ZNF536: variants seen among roughly 807,000 people sequenced by gnomAD.
ZNF536 encodes zinc finger protein 536.
Under a neutral mutation model 84.5 loss-of-function variants are expected in ZNF536, and 13 were observed. That is an observed-to-expected ratio of 0.15 (90% CI 0.10 to 0.24). The LOEUF is 0.24. ZNF536 is among the 10% of genes least tolerant of loss of function. ZNF536 has a pLI of 1.00. For synonymous variants in ZNF536, 811 were observed against 742.5 expected (o/e 1.09, Z -1.50); for missense variants, 1,536 against 1,747.5 (o/e 0.88, Z 2.16).
chr19:30,377,603 A>G (rs748946648), intron 1 of ZNF536, among the ~76,000 whole-genome samples: 17 of 152,220 alleles, frequency 1.1e-4, no homozygotes, highest in Non-Finnish European at 2.2e-4. Flanking sequence ...TATAGGATAA[A>G]AAAGATCATG....
intron 1 of ZNF536, among the ~76,000 whole-genome samples, chr19:30,265,864 G>T (rs1378814652): frequency 6.6e-6 from 1 of 151,532 alleles, no homozygotes; most frequent in East Asian, 1.9e-4. Flanking sequence ...TAAGAAGAAG[G>T]TCCCAGGTTT....
rs544662578 is a variant in ZNF536, at chr19:30,446,227, C to G, written c.2170+495C>G. On this transcript the variant is annotated intron_variant, in intron 2 of 4. Coordinates refer to ENST00000355537, the MANE Select transcript of ZNF536 (RefSeq NM_014717.3). ...TCACACCACTGCACTCCAGCCTGAG[C>G]GACAGAGTGAGACACTGTCTCAAAA... is the stretch of plus-strand genomic sequence containing the variant. 3.7e-5 allele frequency among the ~76,000 whole-genome samples: 4 copies of G among 107,512 alleles called. No individual in the cohort carries two copies. The South Asian group carries it at 1.3e-3, about 34-fold the overall frequency. The allele number at this position is 107,512 out of a possible 152,430, so 70.5% of individuals were successfully genotyped here.
intron 2 of ZNF536, among the ~76,000 whole-genome samples, chr19:30,474,065 T>A (rs28581779): frequency 1.3e-5 from 2 of 152,098 alleles, no homozygotes; most frequent in African/African-American, 2.4e-5. Flanking sequence ...GAAGTGAGAC[T>A]TTTGTGATGT....
At chr19:30,352,448 A>G (rs1350417147) in exon 3 of ZNF536, 1 of 152,240 alleles carries the variant, frequency 6.6e-6, no homozygotes, top group African/African-American at 2.4e-5. Context: ...CACCAGACTG[A>G]CAGTCCTTAA....
intron 2 of ZNF536, among the ~76,000 whole-genome samples, chr19:30,326,735 C>T (rs1002059720): frequency 2.1e-5 from 3 of 143,472 alleles, no homozygotes; most frequent in Non-Finnish European, 3.0e-5. Flanking sequence ...GTACAAATGG[C>T]CCTGGAAAGA....
intron 1 of ZNF536, among the ~76,000 whole-genome samples, chr19:30,403,003 T>C (rs1568395156): frequency 6.6e-6 from 1 of 151,854 alleles, no homozygotes; most frequent in African/African-American, 2.4e-5. Flanking sequence ...TTACATTTGG[T>C]GTTGCCGTGC....
intron 1 of ZNF536, among the ~76,000 whole-genome samples, chr19:30,693,983 GC>G (rs1278949347): frequency 6.6e-6 from 1 of 152,158 alleles, no homozygotes; most frequent in African/African-American, 2.4e-5. Flanking sequence ...AACCCATATG[GC>G]CCCCCCAACC....
intron 1 of ZNF536, among the ~76,000 whole-genome samples, chr19:30,626,207 C>A (rs1288661212): frequency 6.6e-6 from 1 of 152,154 alleles, no homozygotes; most frequent in Non-Finnish European, 1.5e-5. Context: ...AAGAATTATG[C>A]GTGTCTGACC....
chr19:30,617,352 T>TTTTTTTTTTTTTTTTTTTTTTTG (rs2048335076), intron 1 of ZNF536, among the ~76,000 whole-genome samples: 1 of 92,738 alleles, frequency 1.1e-5, no homozygotes, highest in Non-Finnish European at 2.2e-5. Flanking sequence ...TTTTTTTTTT[T>TTTTTTTTTTTTTTTTTTTTTTTG]TTTTTTTTTT....
At chr19:30,399,970 G>A (rs1454338118) in intron 1 of ZNF536, among the ~76,000 whole-genome samples, 1 of 152,190 alleles carries the variant, frequency 6.6e-6, no homozygotes, top group Admixed American at 6.5e-5. Flanking sequence ...TTACAGGCGT[G>A]AGCCACCGCA....
chr19:30,697,577 C>T (rs1459896746), intron 1 of ZNF536, among the ~76,000 whole-genome samples: 3 of 152,112 alleles, frequency 2.0e-5, no homozygotes, highest in East Asian at 3.8e-4. Context: ...CCCATTTTAC[C>T]GATGAGAAAA....
At chr19:30,551,131 C>CT (rs1252154057) in intron 4 of ZNF536, among the ~76,000 whole-genome samples, 3,331 of 133,428 alleles carry the variant, frequency 0.025, 115 homozygotes, top group African/African-American at 0.084. Flanking sequence ...TGTTTAGAGT[C>CT]TTTTTTTTTT....
chr19:30,701,597 G>A (rs1568686759), intron 1 of ZNF536, among the ~76,000 whole-genome samples: 1 of 152,238 alleles, frequency 6.6e-6, no homozygotes, highest in Middle Eastern at 3.4e-3. Flanking sequence ...CCTTCAGGGG[G>A]TTCATGGACC....
rs183813472 is a variant in ZNF536 at position 30,493,511 on chromosome 19, T to C, written c.2171-41336T>C. Among the ~76,000 whole-genome samples, 170 of 152,336 alleles carry C rather than the reference T, an allele frequency of 1.1e-3. 1 individual carries two copies. Among genetic ancestry groups the C allele is most frequent in the African/African-American group, 3.6e-3 (151 of 41,580 alleles). On this transcript the variant is annotated intron_variant, in intron 2 of 4. Coordinates refer to ENST00000355537, the MANE Select transcript of ZNF536 (RefSeq NM_014717.3). The stretch of plus-strand genomic sequence containing the variant: ...TTGCTGGATTAAAAGGCTCATTTCA[T>C]AGACACATAGACCAAGAGAAAGAAG...
At chr19:30,355,994 A>T (rs34980767) in intron 3 of ZNF536, among the ~76,000 whole-genome samples, 48,551 of 152,140 alleles carry the variant, frequency 0.32, 7,845 homozygotes, top group Middle Eastern at 0.48. Flanking sequence ...CCCAAAGTGC[A>T]GAGATTACAC....
At position 30,681,636 on chromosome 19, in the gene ZNF536, G is replaced by A. The variant is rs77155218; in HGVS notation, c.170-29121G>A. On this transcript the variant is annotated intron_variant, in intron 1 of 1. Transcript: ENST00000592773. Reference sequence around the variant, plus strand: ...TCTCTGCCCAGCAGATACTGGTGGCGTTGATCCTTTCTCTCCTATTGTCAT... The same window carrying A: ...TCTCTGCCCAGCAGATACTGGTGGCATTGATCCTTTCTCTCCTATTGTCAT... Among the ~76,000 whole-genome samples, 255 of 152,310 alleles carry A rather than the reference G, an allele frequency of 1.7e-3. 1 individual carries two copies. Among genetic ancestry groups the A allele is most frequent in the Admixed American group, 3.6e-3 (55 of 15,302 alleles).
At chr19:30,594,770 G>A (rs1041964257) in intron 1 of ZNF536, among the ~76,000 whole-genome samples, 5 of 152,012 alleles carry the variant, frequency 3.3e-5, no homozygotes, top group African/African-American at 1.2e-4. Flanking sequence ...GCCGCTGCTT[G>A]GATCCTGCAT....
intron 1 of ZNF536, among the ~76,000 whole-genome samples, chr19:30,395,767 TG>T (rs2049790950): frequency 6.6e-6 from 1 of 152,364 alleles, no homozygotes; most frequent in South Asian, 2.1e-4. Context: ...AGTTAAGCTT[TG>T]TTTTGAATAT....
chr19:30,240,491 A>AC (rs1221843791), intron 1 of ZNF536, among the ~76,000 whole-genome samples: 3 of 152,130 alleles, frequency 2.0e-5, no homozygotes, highest in Non-Finnish European at 4.4e-5. Context: ...CCCTCCCAGG[A>AC]CCTTGTCCCA....
Sources: allele counts gnomAD v4.1 joint callset (sites outside exome capture counted in the v4.1 genomes callset), GRCh38; gene constraint gnomAD v4.1.1; transcripts MANE v1.5; gene names NCBI Gene and HGNC (gene_info 2026-07-23, HGNC 2026-07-21).